Variants in ATG13 observed in about 807,000 individuals in gnomAD.
ATG13 encodes autophagy-related protein 13.
ATG13 carries 23 observed loss-of-function variants against 65.5 expected under a neutral mutation model. That is an observed-to-expected ratio of 0.35 (90% CI 0.25 to 0.50). The LOEUF (loss-of-function observed/expected upper bound fraction) is 0.50. ATG13 is among the 20% of genes least tolerant of loss of function. The probability of loss-of-function intolerance (pLI) is 0.98; values close to 1 mark genes in which losing one functional copy is unlikely to be tolerated. For synonymous variants in ATG13, 252 were observed against 245.2 expected (o/e 1.03, Z -0.26); for missense variants, 566 against 677.0 (o/e 0.84, Z 1.82).
intron 7 of ATG13, among the ~76,000 whole-genome samples, chr11:46,656,005 G>A (rs2059976799): frequency 6.6e-6 from 1 of 152,204 alleles, no homozygotes; most frequent in African/African-American, 2.4e-5. Flanking sequence ...ACAGGCATGA[G>A]CCACTGTGCC....
intron 11 of ATG13, 53 bp from the exon 12 acceptor site, chr11:46,663,944 T>TG: frequency 3.3e-6 from 4 of 1,228,604 alleles, no homozygotes; most frequent in Non-Finnish European, 2.3e-6. Context: ...AAGTCCCTTT[T>TG]CTTTTTTTTT....
At chr11:46,619,904 C>T (rs1310000460) in intron 1 of ATG13, among the ~76,000 whole-genome samples, 2 of 150,744 alleles carry the variant, frequency 1.3e-5, no homozygotes, top group African/African-American at 4.9e-5. Context: ...TGTTGGGCGC[C>T]TGTAATCCCA....
At chr11:46,639,844 G>C (rs1212848658) in intron 2 of ATG13, among the ~76,000 whole-genome samples, 1 of 149,166 alleles carries the variant, frequency 6.7e-6, no homozygotes, top group East Asian at 1.9e-4. Context: ...TTCAGGATCT[G>C]CTTATGCAAT....
rs191856916 is a variant in ATG13 at position 46,650,524 on chromosome 11, T to C, written c.458+207T>C. On this transcript the variant is annotated intron_variant, in intron 7 of 18. Transcript: ENST00000683050. The stretch of plus-strand genomic sequence containing the variant: ...ACCAGGTTTATTATCCTTTTCTATA[T>C]GCACAATCGTGATTCCTGTGGAATG... Among the ~76,000 whole-genome samples, 6 of 152,342 alleles carry C rather than the reference T, an allele frequency of 3.9e-5. No homozygotes were observed. The South Asian group carries it at 1.0e-3, about 26-fold the overall frequency.
rs565953418 is a variant in ATG13 at position 46,620,550 on chromosome 11, C to T, written c.-70+2660C>T. On this transcript the variant is annotated intron_variant, in intron 1 of 18. Transcript: ENST00000683050. ...CAGCACCTTGGGAGGCTGAGGCAGGCGGATCACCTGAGTTCGGGAGTTTGA... is the reference window on the plus strand; with the variant it reads ...CAGCACCTTGGGAGGCTGAGGCAGGTGGATCACCTGAGTTCGGGAGTTTGA... Among the ~76,000 whole-genome samples, 133 of 151,708 alleles carry T rather than the reference C, an allele frequency of 8.8e-4. No individual in the cohort carries two copies. The East Asian group carries it at 0.021, about 23-fold the overall frequency.
intron 11 of ATG13, among the ~76,000 whole-genome samples, chr11:46,660,999 C>A (rs1196182825): frequency 6.6e-6 from 1 of 151,858 alleles, no homozygotes. Flanking sequence ...CTTGAGCCCC[C>A]ACACCCAGCC....
intron 1 of ATG13, among the ~76,000 whole-genome samples, chr11:46,622,076 CATATATATATATATAT>C (rs58391951): frequency 0.017 from 1,255 of 71,818 alleles, 33 homozygotes; most frequent in East Asian, 0.083. Flanking sequence ...TATTTATTTA[CATATATATATATATAT>C]ATATATATAT....
At chr11:46,627,698 C>T (rs1016514705) in intron 1 of ATG13, among the ~76,000 whole-genome samples, 6 of 151,920 alleles carry the variant, frequency 3.9e-5, no homozygotes, top group African/African-American at 1.4e-4. Context: ...AGGCTGGTCT[C>T]GAACTCCTGA....
intron 14 of ATG13, 76 bp downstream of exon 14, chr11:46,665,595 G>A: frequency 1.3e-6 from 2 of 1,543,736 alleles, no homozygotes; most frequent in South Asian, 2.4e-5. Flanking sequence ...TGCTTATTTA[G>A]AATTAGTAAA....
chr11:46,657,388 T>G, intron 9 of ATG13, 136 bp from the exon 10 acceptor site: 1 of 997,972 alleles, frequency 1.0e-6, no homozygotes, highest in Non-Finnish European at 1.5e-6. Context: ...GGATTGGTGG[T>G]TTATATTTAG....
At chr11:46,654,283 T>TATATATG in intron 7 of ATG13, among the ~76,000 whole-genome samples, 1 of 122,316 alleles carries the variant, frequency 8.2e-6, no homozygotes, top group Non-Finnish European at 1.6e-5. Context: ...TTTTAAAATT[T>TATATATG]TATATATATA....
intron 1 of ATG13, among the ~76,000 whole-genome samples, chr11:46,622,641 C>G (rs190616682): frequency 1.3e-5 from 2 of 152,264 alleles, no homozygotes; most frequent in East Asian, 3.9e-4. Flanking sequence ...ATGGTGTCTG[C>G]TGAATCAAAG....
intron 15 of ATG13, among the ~76,000 whole-genome samples, 170 bp downstream of exon 15, chr11:46,668,057 C>A (rs887407648): frequency 6.6e-6 from 1 of 152,196 alleles, no homozygotes; most frequent in Non-Finnish European, 1.5e-5. Context: ...ACCTGTGCTA[C>A]CCCTCCAGAA....
At chr11:46,653,548 C>T (rs951657812) in intron 7 of ATG13, among the ~76,000 whole-genome samples, 5 of 151,774 alleles carry the variant, frequency 3.3e-5, no homozygotes, top group Non-Finnish European at 5.9e-5. Flanking sequence ...TCATTCCTAA[C>T]ATCTAACCAT....
rs563826073 is a variant in ATG13 at position 46,636,185 on chromosome 11, A to G, written c.-14+6085A>G. 3.3e-5 allele frequency among the ~76,000 whole-genome samples: 5 copies of G among 152,254 alleles called. No individual in the cohort carries two copies. The South Asian group carries it at 1.0e-3, about 32-fold the overall frequency. On this transcript the variant is annotated intron_variant, in intron 2 of 18. Coordinates refer to ENST00000683050, the MANE Select transcript of ATG13 (RefSeq NM_001346311.2). The stretch of plus-strand genomic sequence containing the variant: ...GACTATCCTGTGGCATCGTATTCCA[A>G]TAATTATTTCCTCTCTCACATCTTT...
chr11:46,619,921 C>T (rs547178065), intron 1 of ATG13, among the ~76,000 whole-genome samples: 88 of 148,726 alleles, frequency 5.9e-4, no homozygotes, highest in African/African-American at 2.0e-3. Context: ...CCCACCTACT[C>T]GGGTGGCTGA....
chr11:46,666,074 G>A (rs960574201), intron 14 of ATG13, among the ~76,000 whole-genome samples: 32 of 152,090 alleles, frequency 2.1e-4, no homozygotes, highest in African/African-American at 7.2e-4. Flanking sequence ...CCCAAAGTGC[G>A]GGGATTACAG....
intron 1 of ATG13, among the ~76,000 whole-genome samples, chr11:46,626,112 C>T (rs917277858): frequency 2.6e-5 from 4 of 152,034 alleles, no homozygotes; most frequent in African/African-American, 4.8e-5. Flanking sequence ...CCCACCACCA[C>T]GCCCAGCTAA....
intron 7 of ATG13, among the ~76,000 whole-genome samples, chr11:46,654,356 G>A (rs2059595066): frequency 6.9e-6 from 1 of 144,450 alleles, no homozygotes; most frequent in South Asian, 2.2e-4. Flanking sequence ...TCAAACTCTA[G>A]TACATTCTGG....
Sources: allele counts gnomAD v4.1 joint callset (sites outside exome capture counted in the v4.1 genomes callset), GRCh38; gene constraint gnomAD v4.1.1; transcripts MANE v1.5; gene names NCBI Gene and HGNC (gene_info 2026-07-23, HGNC 2026-07-21).